SLIT2: variants seen among roughly 807,000 people sequenced by gnomAD.
The protein encoded by SLIT2 is slit homolog 2 protein.
SLIT2 carries 41 observed loss-of-function variants against 185.7 expected under a neutral mutation model. That is an observed-to-expected ratio of 0.22 (90% CI 0.17 to 0.29). The LOEUF is 0.29. Ranked by LOEUF, SLIT2 falls within the 10% of genes least tolerant of loss-of-function variation. The pLI is 1.00. For missense variants in SLIT2, 1,571 were observed against 1,909.0 expected, an observed-to-expected ratio of 0.82 and a Z score of 3.30; for synonymous variants, 693 against 680.2, an observed-to-expected ratio of 1.02 and a Z score of -0.29.
At chr4:20,453,261 T>C (rs16869615) in intron 4 of SLIT2, among the ~76,000 whole-genome samples, 12,626 of 152,212 alleles carry the variant, frequency 0.083, 616 homozygotes, top group Non-Finnish European at 0.11. Context: ...GCTTAATGCT[T>C]ACTGGGATTG....
At chr4:20,467,537 A>T (rs961146386) in intron 4 of SLIT2, among the ~76,000 whole-genome samples, 2 of 152,020 alleles carry the variant, frequency 1.3e-5, no homozygotes, top group African/African-American at 4.8e-5. Flanking sequence ...ATCTAGAAGC[A>T]TACTTCAAGA....
intron 4 of SLIT2, among the ~76,000 whole-genome samples, chr4:20,278,630 CAAACAA>C (rs977347656): frequency 2.2e-4 from 33 of 151,696 alleles, no homozygotes; most frequent in African/African-American, 6.8e-4. Flanking sequence ...CAAGACAAAA[CAAACAA>C]AAACAAAAAC....
At chr4:20,583,550 G>A (rs4466041) in intron 29 of SLIT2, among the ~76,000 whole-genome samples, 7,825 of 152,138 alleles carry the variant, frequency 0.051, 311 homozygotes, top group East Asian at 0.14. Flanking sequence ...AGTGGCTCAC[G>A]CCTGTAATCC....
At chr4:20,456,798 T>C (rs576881933) in intron 4 of SLIT2, among the ~76,000 whole-genome samples, 1 of 152,208 alleles carries the variant, frequency 6.6e-6, no homozygotes, top group South Asian at 2.1e-4. Flanking sequence ...TTAAAGTCCA[T>C]CAGCCAAGAC....
chr4:20,315,012 ATAAT>A (rs1203626653), intron 4 of SLIT2, among the ~76,000 whole-genome samples: 4 of 14,220 alleles, frequency 2.8e-4, no homozygotes, highest in Non-Finnish European at 4.7e-4. Flanking sequence ...CTGTAATAAA[ATAAT>A]TAATTATTAT....
At chr4:20,510,957 A>G in intron 10 of SLIT2, 109 bp from the exon 11 acceptor site, 1 of 639,660 alleles carries the variant, frequency 1.6e-6, no homozygotes, top group South Asian at 2.2e-5. Context: ...CGTTTTGGAC[A>G]TGTCTTGATA....
chr4:20,553,119 G>T lies in SLIT2; in HGVS notation c.2562-686G>T, dbSNP rs137910964. Among the ~76,000 whole-genome samples the T allele has an allele frequency of 7.2e-3, 1,100 of 152,252 alleles. 12 individuals are homozygous for T. Among genetic ancestry groups the T allele is most frequent in the African/African-American group, 0.025 (1,043 of 41,530 alleles). On this transcript the variant is annotated intron_variant, in intron 25 of 36. Coordinates refer to ENST00000504154, the MANE Select transcript of SLIT2 (RefSeq NM_004787.4). ...CCAGTGCAGGTCCAGCTCAGCTCTG[G>T]TGAGCTAGCTCTAGACATCTTCAGT...
intron 4 of SLIT2, among the ~76,000 whole-genome samples, chr4:20,285,937 T>C (rs1715224139): frequency 6.6e-6 from 1 of 152,206 alleles, no homozygotes; most frequent in South Asian, 2.1e-4. Context: ...GTCAGTTGTG[T>C]AGCTCTCATA....
At chr4:20,314,231 T>A (rs1459004730) in intron 4 of SLIT2, among the ~76,000 whole-genome samples, 2 of 152,184 alleles carry the variant, frequency 1.3e-5, no homozygotes, top group Non-Finnish European at 2.9e-5. Flanking sequence ...AATTTTCTTA[T>A]CTGTGAAATA....
At chr4:20,393,984 C>T (rs1725671455) in intron 4 of SLIT2, among the ~76,000 whole-genome samples, 1 of 151,940 alleles carries the variant, frequency 6.6e-6, no homozygotes, top group Non-Finnish European at 1.5e-5. Flanking sequence ...TGCAGATTGT[C>T]TTTGCACAGC....
At chr4:20,573,317 A>C in intron 29 of SLIT2, 1 of 702,810 alleles carries the variant, frequency 1.4e-6, no homozygotes, top group South Asian at 1.5e-5. Context: ...CTTTCTTGTA[A>C]AGTTACATAG....
At chr4:20,465,245 A>T (rs1714206331) in intron 4 of SLIT2, among the ~76,000 whole-genome samples, 1 of 152,148 alleles carries the variant, frequency 6.6e-6, no homozygotes, top group Non-Finnish European at 1.5e-5. Flanking sequence ...AATTTGTCTC[A>T]TTGTTTAGCA....
intron 27 of SLIT2, 52 bp from the exon 28 acceptor site, chr4:20,567,466 T>C: frequency 1.9e-6 from 3 of 1,609,882 alleles, no homozygotes; most frequent in Non-Finnish European, 2.5e-6. Flanking sequence ...CTGTGCTTTC[T>C]GTATGTGCCA....
At chr4:20,595,938 A>T (rs1727946420) in intron 31 of SLIT2, 104 bp downstream of exon 31, 2 of 974,030 alleles carry the variant, frequency 2.1e-6, no homozygotes. Flanking sequence ...TAACTAAAAG[A>T]GTATAACTGG....
chr4:20,530,193 T>G (rs1012065252), intron 16 of SLIT2, among the ~76,000 whole-genome samples: 1 of 152,000 alleles, frequency 6.6e-6, no homozygotes, highest in Non-Finnish European at 1.5e-5. Context: ...GGCCCTGAAC[T>G]TTATTTTTTA....
chr4:20,490,550 G>C (rs943947611), intron 8 of SLIT2, among the ~76,000 whole-genome samples: 2 of 152,074 alleles, frequency 1.3e-5, no homozygotes, highest in Non-Finnish European at 2.9e-5. Flanking sequence ...ATAATGCATC[G>C]TAAGTAGTTC....
intron 4 of SLIT2, among the ~76,000 whole-genome samples, chr4:20,311,724 A>T (rs1327354011): frequency 6.6e-6 from 1 of 152,206 alleles, no homozygotes; most frequent in African/African-American, 2.4e-5. Context: ...TTGGTAAATT[A>T]TACAGAATAT....
chr4:20,450,534 C>T (rs1712356856), intron 4 of SLIT2, among the ~76,000 whole-genome samples: 1 of 152,134 alleles, frequency 6.6e-6, no homozygotes, highest in Admixed American at 6.5e-5. Context: ...TGACTCACTC[C>T]AGATGGACAA....
At chr4:20,503,055 A>G (rs1718884169) in intron 9 of SLIT2, among the ~76,000 whole-genome samples, 1 of 152,182 alleles carries the variant, frequency 6.6e-6, no homozygotes, top group Non-Finnish European at 1.5e-5. Context: ...AGCCTCTAAC[A>G]TAAGACTGAA....
Sources: allele counts gnomAD v4.1 joint callset (sites outside exome capture counted in the v4.1 genomes callset), GRCh38; gene constraint gnomAD v4.1.1; transcripts MANE v1.5; gene names NCBI Gene and HGNC (gene_info 2026-07-23, HGNC 2026-07-21).